The following LINGO2 variants were observed in gnomAD, a reference collection of about 807,000 sequenced individuals.
LINGO2 encodes the protein leucine-rich repeat and immunoglobulin-like domain-containing nogo receptor-interacting protein 2.
In LINGO2, 14 loss-of-function variants were observed where a neutral mutation model predicts 30.6. The observed-to-expected ratio is 0.46, with a 90% CI of 0.30 to 0.72. The LOEUF (loss-of-function observed/expected upper bound fraction) is 0.72, where lower values mean the gene tolerates loss of function less well. Among genes scored for constraint, LINGO2 ranks in the 30% least tolerant of loss-of-function variants. The pLI is 0.07. For missense variants in LINGO2, 729 were observed against 751.7 expected (o/e 0.97, Z 0.35); for synonymous variants, 317 against 288.5 (o/e 1.10, Z -1.00).
the LINGO2 span, chr9:28,889,049 C>T: frequency 2.4e-6 from 1 of 413,610 alleles, no homozygotes; most frequent in Non-Finnish European, 5.1e-6. Flanking sequence ...CCTGGAGTAT[C>T]TTCAGCAGCT....
chr9:28,607,476 A>T (rs1369030280), intron 1 of LINGO2, among the ~76,000 whole-genome samples: 1 of 152,082 alleles, frequency 6.6e-6, no homozygotes, highest in East Asian at 1.9e-4. Flanking sequence ...AAAATAGTAG[A>T]CATCATTTGC....
chr9:29,162,991 A>G, the LINGO2 span, among the ~76,000 whole-genome samples: 2 of 152,296 alleles, frequency 1.3e-5, no homozygotes, highest in South Asian at 4.1e-4. Context: ...GAGAGAAAGC[A>G]TAAGAGAAAG....
chr9:28,715,415 ACT>A, the LINGO2 span, among the ~76,000 whole-genome samples: 1 of 152,186 alleles, frequency 6.6e-6, no homozygotes, highest in African/African-American at 2.4e-5. Flanking sequence ...AAATATATCC[ACT>A]GTTTTTCTGG....
intron 2 of LINGO2, among the ~76,000 whole-genome samples, chr9:28,395,533 GAAA>G (rs11394707): frequency 1.3e-5 from 2 of 150,468 alleles, no homozygotes; most frequent in African/African-American, 4.9e-5. Flanking sequence ...TAACAGAAGT[GAAA>G]AAAAAAATCA....
In LINGO2 at chr9:28,049,371, C is replaced by T. The variant is rs576931925; in HGVS notation, c.-86-36966G>A. 1.5e-3 allele frequency among the ~76,000 whole-genome samples: 229 copies of T among 150,736 alleles called. 14 individuals are homozygous for T. The highest frequency in any genetic ancestry group is 5.3e-3 in the African/African-American group (218 of 40,836). On this transcript the variant is annotated intron_variant, in intron 4 of 5. Transcript: ENST00000379992. ...CTAGGGTTAGGCTATTTTAGAACCC[C>T]CAAGGTGGTATCAAATTCAACATAG...
intron 1 of LINGO2, among the ~76,000 whole-genome samples, chr9:28,549,287 G>C (rs984120504): frequency 2.6e-5 from 4 of 151,996 alleles, no homozygotes; most frequent in Admixed American, 1.3e-4. Flanking sequence ...TTTTCAGTTT[G>C]AGTCATGTTA....
chr9:28,622,701 G>T (rs2135833420), intron 1 of LINGO2, among the ~76,000 whole-genome samples: 1 of 150,824 alleles, frequency 6.6e-6, no homozygotes, highest in East Asian at 2.0e-4. Flanking sequence ...CCTTTCTTTT[G>T]GGATTGCTGG....
the LINGO2 span, among the ~76,000 whole-genome samples, chr9:29,112,923 C>T: frequency 6.6e-6 from 1 of 152,254 alleles, no homozygotes; most frequent in South Asian, 2.1e-4. Context: ...AAGGAAGATA[C>T]TAATATCATC....
the LINGO2 span, among the ~76,000 whole-genome samples, chr9:28,885,296 G>A: frequency 6.7e-6 from 1 of 148,626 alleles, no homozygotes; most frequent in Non-Finnish European, 1.5e-5. Context: ...GAAGCTGAGA[G>A]AGGCCTGGCC....
At chr9:27,955,154 A>C (rs1213617799) in intron 5 of LINGO2, among the ~76,000 whole-genome samples, 1 of 152,210 alleles carries the variant, frequency 6.6e-6, no homozygotes, top group Admixed American at 6.5e-5. Flanking sequence ...CTTTTAAAAA[A>C]AGGCTCAACT....
At chr9:28,764,789 C>T in the LINGO2 span, among the ~76,000 whole-genome samples, 1 of 151,726 alleles carries the variant, frequency 6.6e-6, no homozygotes, top group Non-Finnish European at 1.5e-5. Context: ...AAATAATAAA[C>T]AAATTTAAGA....
chr9:28,572,557 T>C (rs1021232340), intron 1 of LINGO2, among the ~76,000 whole-genome samples: 27 of 152,108 alleles, frequency 1.8e-4, no homozygotes, highest in African/African-American at 5.5e-4. Flanking sequence ...GCACAAGCAA[T>C]TGGTGTGATG....
At chr9:29,207,451 G>A in the LINGO2 span, among the ~76,000 whole-genome samples, 8 of 151,874 alleles carry the variant, frequency 5.3e-5, no homozygotes, top group African/African-American at 1.9e-4. Context: ...CTCTTATGTC[G>A]TCCAATTTAG....
intron 1 of LINGO2, among the ~76,000 whole-genome samples, chr9:28,501,000 AAGT>A (rs1437923590): frequency 6.6e-6 from 1 of 152,192 alleles, no homozygotes; most frequent in Non-Finnish European, 1.5e-5. Context: ...AATAACATGT[AAGT>A]AGTAGAGAAA....
intron 1 of LINGO2, among the ~76,000 whole-genome samples, chr9:28,611,108 T>A (rs1825896988): frequency 6.6e-6 from 1 of 152,156 alleles, no homozygotes. Flanking sequence ...TGATCAAAGG[T>A]GTTTTTGAAG....
the LINGO2 span, among the ~76,000 whole-genome samples, chr9:29,152,749 T>C: frequency 6.6e-6 from 1 of 152,168 alleles, no homozygotes; most frequent in African/African-American, 2.4e-5. Context: ...TCACACAACT[T>C]ACCTATGTAG....
intron 4 of LINGO2, among the ~76,000 whole-genome samples, chr9:28,276,356 C>T (rs980497328): frequency 3.9e-5 from 6 of 151,996 alleles, no homozygotes; most frequent in African/African-American, 1.4e-4. Flanking sequence ...CTTTCAGTAC[C>T]ATCCTTCCCT....
At chr9:28,288,193 A>G (rs1823587589) in intron 4 of LINGO2, among the ~76,000 whole-genome samples, 1 of 152,176 alleles carries the variant, frequency 6.6e-6, no homozygotes, top group Admixed American at 6.5e-5. Context: ...TAAAAACACT[A>G]CAGTCTAGCC....
chr9:28,732,080 T>C, the LINGO2 span, among the ~76,000 whole-genome samples: 2 of 152,096 alleles, frequency 1.3e-5, no homozygotes, highest in Non-Finnish European at 2.9e-5. Context: ...GATTTACCCT[T>C]GATAAGGAGG....
Sources: allele counts gnomAD v4.1 joint callset (sites outside exome capture counted in the v4.1 genomes callset), GRCh38; gene constraint gnomAD v4.1.1; transcripts MANE v1.5; gene names NCBI Gene and HGNC (gene_info 2026-07-23, HGNC 2026-07-21).